Variants in LSAMP observed in about 807,000 individuals in gnomAD.
LSAMP encodes limbic system associated membrane protein, also known as limbic system-associated membrane protein.
A neutral mutation model predicts 38.6 loss-of-function variants in LSAMP; 7 were observed. The observed-to-expected ratio is 0.18, with a 90% confidence interval of 0.10 to 0.34. The LOEUF (loss-of-function observed/expected upper bound fraction) is 0.34, where lower values mean the gene tolerates loss of function less well. LSAMP is among the 10% of genes least tolerant of loss of function. The probability of loss-of-function intolerance (pLI) is 1.00; values close to 1 mark genes in which losing one functional copy is unlikely to be tolerated. For synonymous variants in LSAMP, 154 were observed against 166.8 expected (o/e 0.92, Z 0.59); for missense variants, 313 against 420.0 (o/e 0.75, Z 2.23).
intron 1 of LSAMP, among the ~76,000 whole-genome samples, chr3:116,407,807 G>A (rs1280513982): frequency 6.6e-6 from 1 of 151,934 alleles, no homozygotes; most frequent in African/African-American, 2.4e-5. Context: ...GGCCACTGAC[G>A]GTATTTATTC....
intron 3 of LSAMP, among the ~76,000 whole-genome samples, chr3:115,985,586 T>C (rs528866341): frequency 6.6e-6 from 1 of 152,302 alleles, no homozygotes; most frequent in South Asian, 2.1e-4. Flanking sequence ...TCATATGGCA[T>C]ATCACTTTCA....
intron 3 of LSAMP, among the ~76,000 whole-genome samples, chr3:116,010,605 T>C (rs563482338): frequency 6.6e-6 from 1 of 152,238 alleles, no homozygotes; most frequent in Non-Finnish European, 1.5e-5. Context: ...AATGTTGAGA[T>C]TTGGGAGGAT....
chr3:115,867,403 C>T (rs1935891672), intron 3 of LSAMP, among the ~76,000 whole-genome samples: 1 of 152,050 alleles, frequency 6.6e-6, no homozygotes, highest in African/African-American at 2.4e-5. Context: ...GGAAAAACTT[C>T]ACAATTTCAA....
chr3:116,162,024 T>G (rs1709900360), intron 1 of LSAMP, among the ~76,000 whole-genome samples: 1 of 150,868 alleles, frequency 6.6e-6, no homozygotes, highest in African/African-American at 2.4e-5. Flanking sequence ...GAAAAGAAAA[T>G]GAAAGGGAAG....
chr3:116,146,720 A>G (rs192912899), intron 1 of LSAMP, among the ~76,000 whole-genome samples: 3 of 152,048 alleles, frequency 2.0e-5, no homozygotes, highest in East Asian at 3.9e-4. Flanking sequence ...TGAGGTGATT[A>G]TCAGATAACT....
intron 3 of LSAMP, among the ~76,000 whole-genome samples, chr3:115,933,341 A>G (rs1468096852): frequency 6.6e-6 from 1 of 152,174 alleles, no homozygotes; most frequent in Non-Finnish European, 1.5e-5. Context: ...GGTAAGTGGT[A>G]ATAATAGTGA....
chr3:116,120,687 T>C (rs1708854598), intron 1 of LSAMP, among the ~76,000 whole-genome samples: 1 of 152,182 alleles, frequency 6.6e-6, no homozygotes, highest in African/African-American at 2.4e-5. Flanking sequence ...ATAACCTGCT[T>C]TGATTTCCAG....
intron 1 of LSAMP, among the ~76,000 whole-genome samples, chr3:116,262,286 A>C (rs143755202): frequency 6.2e-4 from 94 of 152,276 alleles, no homozygotes; most frequent in Middle Eastern, 3.4e-3. Flanking sequence ...TGAATCTGGA[A>C]TTTCATTTTA....
intron 1 of LSAMP, 46 bp downstream of exon 1, chr3:116,444,831 C>A: frequency 6.2e-7 from 1 of 1,612,154 alleles, no homozygotes; most frequent in Non-Finnish European, 8.5e-7. Flanking sequence ...CACACACACA[C>A]ACACGTGTAG....
At chr3:116,440,422 C>T (rs1265569340) in intron 1 of LSAMP, among the ~76,000 whole-genome samples, 1 of 152,180 alleles carries the variant, frequency 6.6e-6, no homozygotes, top group South Asian at 2.1e-4. Context: ...ATGAGTCAGT[C>T]ACCTTTGGTT....
At chr3:116,124,100 A>T (rs1559751944) in intron 1 of LSAMP, among the ~76,000 whole-genome samples, 1 of 152,152 alleles carries the variant, frequency 6.6e-6, no homozygotes, top group Non-Finnish European at 1.5e-5. Context: ...CAATCCTTTC[A>T]TCTGGAAAGA....
intron 3 of LSAMP, among the ~76,000 whole-genome samples, chr3:115,922,572 T>G (rs1937407627): frequency 6.6e-6 from 1 of 152,152 alleles, no homozygotes; most frequent in African/African-American, 2.4e-5. Context: ...TTTCTGAAGA[T>G]TTATATTGTT....
intron 3 of LSAMP, among the ~76,000 whole-genome samples, chr3:115,944,033 G>A (rs1938016929): frequency 1.3e-5 from 2 of 152,248 alleles, no homozygotes; most frequent in South Asian, 4.1e-4. Context: ...TTACAATGCA[G>A]CATTAAAAAC....
At chr3:115,843,639 C>A (rs187897488) in intron 4 of LSAMP, among the ~76,000 whole-genome samples, 273 of 152,034 alleles carry the variant, frequency 1.8e-3, no homozygotes, top group Non-Finnish European at 3.5e-3. Flanking sequence ...TGGGTAAATT[C>A]ATTTAAACCC....
intron 1 of LSAMP, among the ~76,000 whole-genome samples, chr3:116,158,333 T>C (rs890670559): frequency 2.0e-5 from 3 of 152,076 alleles, no homozygotes; most frequent in Non-Finnish European, 4.4e-5. Context: ...CTACTCAACC[T>C]AGTACTATAA....
At chr3:115,917,294 C>G (rs1937272735) in intron 3 of LSAMP, among the ~76,000 whole-genome samples, 1 of 152,212 alleles carries the variant, frequency 6.6e-6, no homozygotes, top group Non-Finnish European at 1.5e-5. Flanking sequence ...CTTTCCCTTT[C>G]TACCACTTTA....
intron 1 of LSAMP, among the ~76,000 whole-genome samples, chr3:116,307,417 T>C (rs950673801): frequency 6.6e-6 from 1 of 152,042 alleles, no homozygotes; most frequent in African/African-American, 2.4e-5. Context: ...AGACTCTAAA[T>C]GGAGCCAACT....
chr3:116,434,159 C>G (rs1338714597), intron 1 of LSAMP, among the ~76,000 whole-genome samples: 2 of 152,180 alleles, frequency 1.3e-5, no homozygotes, highest in Non-Finnish European at 2.9e-5. Context: ...TGGTGGCTGA[C>G]TTCACCAAAA....
At chr3:116,307,705 T>A (rs2047501469) in intron 1 of LSAMP, among the ~76,000 whole-genome samples, 1 of 151,512 alleles carries the variant, frequency 6.6e-6, no homozygotes, top group African/African-American at 2.4e-5. Flanking sequence ...ATAAGATGGG[T>A]TTCTGTACCA....
Sources: allele counts gnomAD v4.1 joint callset (sites outside exome capture counted in the v4.1 genomes callset), GRCh38; gene constraint gnomAD v4.1.1; transcripts MANE v1.5; gene names NCBI Gene and HGNC (gene_info 2026-07-23, HGNC 2026-07-21).